The following KCNIP4 variants were observed in gnomAD, a reference collection of about 807,000 sequenced individuals.
KCNIP4 encodes the protein potassium voltage-gated channel interacting protein 4, also known as Kv channel-interacting protein 4.
In KCNIP4, 12 loss-of-function variants were observed where a neutral mutation model predicts 34.0. The ratio of observed to expected loss-of-function variants is 0.35; its 90% CI spans 0.23 to 0.57. KCNIP4 has a LOEUF of 0.57. KCNIP4 is among the 20% of genes least tolerant of loss of function. KCNIP4 has a pLI of 0.83. For missense variants in KCNIP4, 238 were observed against 311.7 expected, an observed-to-expected ratio of 0.76 and a Z score of 1.78; for synonymous variants, 124 against 102.2, an observed-to-expected ratio of 1.21 and a Z score of -1.29.
intron 5 of KCNIP4, among the ~76,000 whole-genome samples, chr4:20,739,330 T>C (rs1750489831): frequency 6.6e-6 from 1 of 152,162 alleles, no homozygotes; most frequent in African/African-American, 2.4e-5. Flanking sequence ...AAACACCTCC[T>C]AGTAGGGGCA....
chr4:21,880,706 A>G (rs543332066), intron 1 of KCNIP4, among the ~76,000 whole-genome samples: 4 of 152,352 alleles, frequency 2.6e-5, no homozygotes, highest in Middle Eastern at 6.8e-3. Context: ...CCAATCTTGT[A>G]GTAGCTCTCA....
chr4:21,044,867 G>C (rs1742301423), intron 1 of KCNIP4, among the ~76,000 whole-genome samples: 1 of 152,192 alleles, frequency 6.6e-6, no homozygotes. Flanking sequence ...TGTAGCTAGA[G>C]ATTAGGTTGG....
intron 1 of KCNIP4, among the ~76,000 whole-genome samples, chr4:21,135,854 T>C (rs1331480856): frequency 6.6e-6 from 1 of 152,134 alleles, no homozygotes; most frequent in Non-Finnish European, 1.5e-5. Flanking sequence ...TATTTTGAAA[T>C]GCGGGAAATC....
chr4:20,749,642 G>A lies in KCNIP4; in HGVS notation c.429+20C>T. The stretch of plus-strand genomic sequence containing the variant: ...TAAACTCTAAATAGTCAAATGATAT[G>A]AAAATAATCCAGAGCTTACCTCGAA... On this transcript the variant is annotated intron_variant, in intron 5 of 8. Coordinates refer to ENST00000382152, the MANE Select transcript of KCNIP4 (RefSeq NM_025221.6). 6.5e-7 allele frequency: 1 copy of A among 1,539,634 alleles called. No individual in the cohort carries two copies. Among genetic ancestry groups the A allele is most frequent in the Non-Finnish European group, 8.9e-7 (1 of 1,118,542 alleles).
intron 1 of KCNIP4, among the ~76,000 whole-genome samples, chr4:21,505,886 T>C (rs562205809): frequency 6.6e-6 from 1 of 152,208 alleles, no homozygotes; most frequent in South Asian, 2.1e-4. Flanking sequence ...GTGGATCATC[T>C]GAGCTCAGGA....
chr4:21,198,856 TG>T (rs972865263), intron 1 of KCNIP4, among the ~76,000 whole-genome samples: 4 of 152,136 alleles, frequency 2.6e-5, no homozygotes, highest in African/African-American at 9.7e-5. Context: ...CTTCTGGCTT[TG>T]GGGGACTGAC....
chr4:21,127,367 T>A (rs1750710892), intron 1 of KCNIP4, among the ~76,000 whole-genome samples: 1 of 152,256 alleles, frequency 6.6e-6, no homozygotes, highest in African/African-American at 2.4e-5. Flanking sequence ...TTTTGGGGTT[T>A]GCTTTTGTGA....
chr4:21,586,292 A>G (rs553055427), intron 1 of KCNIP4, among the ~76,000 whole-genome samples: 2 of 152,222 alleles, frequency 1.3e-5, no homozygotes, highest in African/African-American at 2.4e-5. Flanking sequence ...GAGGGATCGT[A>G]GATTTAATTT....
At chr4:20,923,516 T>C (rs1306911639) in intron 1 of KCNIP4, among the ~76,000 whole-genome samples, 1 of 152,170 alleles carries the variant, frequency 6.6e-6, no homozygotes, top group East Asian at 1.9e-4. Context: ...CATTGATACA[T>C]AGTTCATAAT....
intron 3 of KCNIP4, among the ~76,000 whole-genome samples, chr4:20,761,951 A>T (rs1754994184): frequency 6.6e-6 from 1 of 152,164 alleles, no homozygotes; most frequent in South Asian, 2.1e-4. Flanking sequence ...GTCTTCTAGG[A>T]ACTGGGACTG....
chr4:21,244,474 A>T (rs1760063497), intron 1 of KCNIP4, among the ~76,000 whole-genome samples: 1 of 152,200 alleles, frequency 6.6e-6, no homozygotes, highest in South Asian at 2.1e-4. Flanking sequence ...GATATTCTAC[A>T]TTTACAACAG....
chr4:21,876,628 A>T (rs1726129957), intron 1 of KCNIP4, among the ~76,000 whole-genome samples: 1 of 152,182 alleles, frequency 6.6e-6, no homozygotes, highest in Admixed American at 6.6e-5. Context: ...ATGCTATTTT[A>T]AAAAAATAAG....
At chr4:21,761,015 C>T (rs908996638) in intron 1 of KCNIP4, among the ~76,000 whole-genome samples, 1 of 152,126 alleles carries the variant, frequency 6.6e-6, no homozygotes, top group Non-Finnish European at 1.5e-5. Flanking sequence ...AATTAAATAA[C>T]GTTTTGCACT....
intron 1 of KCNIP4, among the ~76,000 whole-genome samples, chr4:21,046,306 A>C (rs1435456998): frequency 6.6e-6 from 1 of 152,226 alleles, no homozygotes; most frequent in Non-Finnish European, 1.5e-5. Flanking sequence ...AACCCTGGAC[A>C]CTGGTTAAGA....
rs147501673 is a variant in KCNIP4 at position 20,739,208 on chromosome 4, C to A, written c.430-4473G>T. Among the ~76,000 whole-genome samples the A allele has an allele frequency of 2.1e-4, 32 of 152,334 alleles. No individual in the cohort carries two copies. In the East Asian group the frequency reaches 5.6e-3, roughly 27 times the overall value. ...CAGAAACTTCTGCAGACTTAAACATCCCTGTCTGACAGCTTTGAAGAGAGT... is the reference window on the plus strand; with the variant it reads ...CAGAAACTTCTGCAGACTTAAACATACCTGTCTGACAGCTTTGAAGAGAGT... On this transcript the variant is annotated intron_variant, in intron 5 of 8. Coordinates refer to ENST00000382152, the MANE Select transcript of KCNIP4 (RefSeq NM_025221.6).
chr4:21,463,638 T>C (rs919432290), intron 1 of KCNIP4, among the ~76,000 whole-genome samples: 1 of 152,080 alleles, frequency 6.6e-6, no homozygotes, highest in African/African-American at 2.4e-5. Flanking sequence ...ATTTTGTGTC[T>C]ACATTTATAA....
chr4:21,838,390 C>T (rs879584503), intron 1 of KCNIP4, among the ~76,000 whole-genome samples: 4 of 152,162 alleles, frequency 2.6e-5, no homozygotes, highest in Admixed American at 2.0e-4. Flanking sequence ...TAATGTTCTT[C>T]GTGGACTGGT....
chr4:21,595,078 C>T (rs2874950), intron 1 of KCNIP4, among the ~76,000 whole-genome samples: 76,018 of 151,816 alleles, frequency 0.5, 19,615 homozygotes, highest in East Asian at 0.85. Context: ...ACCCATCAAC[C>T]TGTCATCTAG....
At chr4:21,136,661 G>A (rs997037353) in intron 1 of KCNIP4, among the ~76,000 whole-genome samples, 2 of 152,096 alleles carry the variant, frequency 1.3e-5, no homozygotes, top group African/African-American at 2.4e-5. Flanking sequence ...TCTATATTAA[G>A]AGACATGGCA....
Sources: gnomAD v4.1 joint callset for allele counts (sites outside exome capture counted in the v4.1 genomes callset) on GRCh38, gnomAD v4.1.1 for gene constraint, MANE v1.5 for transcripts, NCBI Gene and HGNC (gene_info 2026-07-23, HGNC 2026-07-21) for gene names.